DPH6: variants seen among roughly 807,000 people sequenced by gnomAD.
The protein encoded by DPH6 is diphthamine biosynthesis 6.
In DPH6, 33 loss-of-function variants were observed where a neutral mutation model predicts 38.2. That is an observed-to-expected ratio of 0.86 (90% CI 0.65 to 1.15). DPH6 has a LOEUF of 1.15. Ranked by LOEUF, DPH6 falls within the 50% of genes most tolerant of loss-of-function variation. The pLI, the probability that DPH6 is intolerant of heterozygous loss-of-function variation, is 0.00. For synonymous variants in DPH6, 108 were observed against 103.0 expected (o/e 1.05, Z -0.30); for missense variants, 325 against 320.0 (o/e 1.02, Z -0.12).
At chr15:35,402,331 C>T (rs970795886) in intron 6 of DPH6, among the ~76,000 whole-genome samples, 9 of 152,080 alleles carry the variant, frequency 5.9e-5, no homozygotes, top group East Asian at 1.9e-4. Flanking sequence ...CAAGCAAAAT[C>T]GTGGAATTAT....
At chr15:35,423,711 A>G (rs749492865) in intron 5 of DPH6, among the ~76,000 whole-genome samples, 15 of 151,624 alleles carry the variant, frequency 9.9e-5, no homozygotes, top group Non-Finnish European at 1.9e-4. Context: ...TGAGTTGAAT[A>G]TGGTGTGAGA....
At chr15:35,341,045 C>T (rs1482675227) in intron 3 of DPH6, among the ~76,000 whole-genome samples, 1 of 152,080 alleles carries the variant, frequency 6.6e-6, no homozygotes, top group Admixed American at 6.6e-5. Flanking sequence ...AACATAATTC[C>T]ATAATTCTTG....
intron 5 of DPH6, among the ~76,000 whole-genome samples, chr15:35,421,395 C>T (rs1451474420): frequency 1.3e-5 from 2 of 152,078 alleles, no homozygotes; most frequent in African/African-American, 2.4e-5. Flanking sequence ...AGATCAATGG[C>T]ATACATGAAA....
At chr15:35,446,101 C>T (rs1035739250) in intron 5 of DPH6, among the ~76,000 whole-genome samples, 1 of 151,968 alleles carries the variant, frequency 6.6e-6, no homozygotes, top group Non-Finnish European at 1.5e-5. Flanking sequence ...TTCTGTAGAT[C>T]AAGATCTGCA....
At chr15:35,401,762 A>G in intron 6 of DPH6, 1 of 678,324 alleles carries the variant, frequency 1.5e-6, no homozygotes, top group Non-Finnish European at 2.7e-6. Context: ...GTGGCAGAAG[A>G]TTTTAATTAC....
chr15:35,216,445 C>T (rs1057393228), downstream of DPH6, among the ~76,000 whole-genome samples: 2 of 152,082 alleles, frequency 1.3e-5, no homozygotes, highest in African/African-American at 4.8e-5. Context: ...ATATTCAATG[C>T]TATTGGTTTA....
chr15:35,234,225 C>T (rs1027164716), intron 3 of DPH6, among the ~76,000 whole-genome samples: 6 of 152,220 alleles, frequency 3.9e-5, no homozygotes, highest in Admixed American at 3.9e-4. Flanking sequence ...ATTCCTGAGA[C>T]ATCTAATTTA....
chr15:35,344,753 T>C (rs553945472), intron 3 of DPH6, among the ~76,000 whole-genome samples: 1 of 152,004 alleles, frequency 6.6e-6, no homozygotes, highest in East Asian at 1.9e-4. Flanking sequence ...ACAATGAAGG[T>C]AGAAAATTCT....
chr15:35,350,285 T>A (rs898942707), intron 3 of DPH6, among the ~76,000 whole-genome samples: 2 of 151,592 alleles, frequency 1.3e-5, no homozygotes, highest in Non-Finnish European at 2.9e-5. Flanking sequence ...TCAGTTGCAA[T>A]GTCTTCTTTC....
chr15:35,470,535 G>GT (rs2054185485), intron 3 of DPH6, among the ~76,000 whole-genome samples: 1 of 152,164 alleles, frequency 6.6e-6, no homozygotes, highest in South Asian at 2.1e-4. Context: ...TGAAGAGATG[G>GT]TGCAATTGCT....
intron 3 of DPH6, among the ~76,000 whole-genome samples, chr15:35,319,245 C>A (rs781353766): frequency 1.7e-4 from 26 of 152,100 alleles, no homozygotes; most frequent in Non-Finnish European, 3.4e-4. Context: ...AATTAAAAAA[C>A]CCCAAGGTAA....
the DPH6 span, among the ~76,000 whole-genome samples, chr15:35,196,007 G>A: frequency 6.6e-6 from 1 of 152,144 alleles, no homozygotes; most frequent in Non-Finnish European, 1.5e-5. Context: ...GTAGTAGATG[G>A]TATATATTTA....
chr15:35,273,322 C>T (rs947873478), intron 3 of DPH6, among the ~76,000 whole-genome samples: 2 of 152,130 alleles, frequency 1.3e-5, no homozygotes, highest in Admixed American at 1.3e-4. Context: ...CTGAGTCCCT[C>T]ACCCTTTCCC....
At chr15:35,534,358 C>T (rs908958258) in intron 3 of DPH6, among the ~76,000 whole-genome samples, 2 of 116,340 alleles carry the variant, frequency 1.7e-5, no homozygotes, top group African/African-American at 6.8e-5. Context: ...GCCTGGGCAA[C>T]AAGAGCGTAA....
intron 3 of DPH6, among the ~76,000 whole-genome samples, chr15:35,294,767 T>C (rs1022491459): frequency 2.0e-5 from 3 of 152,216 alleles, no homozygotes; most frequent in Middle Eastern, 3.4e-3. Context: ...AGCTGTGACA[T>C]ATGAGATAAA....
At chr15:35,400,387 A>C (rs1417099182) in intron 6 of DPH6, among the ~76,000 whole-genome samples, 1 of 152,104 alleles carries the variant, frequency 6.6e-6, no homozygotes, top group African/African-American at 2.4e-5. Context: ...AAGAGAACAT[A>C]TATGTAATGG....
At chr15:35,491,154 C>A (rs1395980495) in intron 3 of DPH6, among the ~76,000 whole-genome samples, 1 of 151,866 alleles carries the variant, frequency 6.6e-6, no homozygotes, top group Non-Finnish European at 1.5e-5. Flanking sequence ...CAAACACTAG[C>A]AGAAATTTAA....
At chr15:35,425,088 T>C (rs2053552142) in intron 5 of DPH6, among the ~76,000 whole-genome samples, 1 of 151,640 alleles carries the variant, frequency 6.6e-6, no homozygotes, top group Non-Finnish European at 1.5e-5. Flanking sequence ...ATACAAGTAG[T>C]ATTTTCTATA....
At chr15:35,280,696 A>G (rs1275225483) in intron 3 of DPH6, among the ~76,000 whole-genome samples, 1 of 152,230 alleles carries the variant, frequency 6.6e-6, no homozygotes, top group Admixed American at 6.5e-5. Context: ...AAGCGTTACT[A>G]AAACCTAATG....
Sources: allele counts gnomAD v4.1 joint callset (sites outside exome capture counted in the v4.1 genomes callset), GRCh38; gene constraint gnomAD v4.1.1; transcripts MANE v1.5; gene names NCBI Gene and HGNC (gene_info 2026-07-23, HGNC 2026-07-21).